The following LMO7 variants were observed in gnomAD, a reference collection of about 807,000 sequenced individuals.
The protein encoded by LMO7 is LIM domain 7.
A neutral mutation model predicts 206.5 loss-of-function variants in LMO7; 120 were observed. The observed-to-expected ratio is 0.58, with a 90% CI of 0.50 to 0.68. LMO7 has a LOEUF of 0.68. LMO7 is among the 30% of genes least tolerant of loss of function. The pLI, the probability that LMO7 is intolerant of heterozygous loss-of-function variation, is 0.00. For missense variants in LMO7, 1,959 were observed against 1,957.9 expected, an observed-to-expected ratio of 1.00 and a Z score of -0.01; for synonymous variants, 706 against 681.5, an observed-to-expected ratio of 1.04 and a Z score of -0.56.
intron 1 of LMO7, among the ~76,000 whole-genome samples, chr13:75,684,884 C>T (rs2040849860): frequency 6.6e-6 from 1 of 152,088 alleles, no homozygotes; most frequent in African/African-American, 2.4e-5. Flanking sequence ...GTTACTTTGT[C>T]TCTTTAAGGC....
intron 3 of LMO7, among the ~76,000 whole-genome samples, chr13:75,742,833 A>G (rs978452626): frequency 6.6e-6 from 1 of 152,242 alleles, no homozygotes; most frequent in Admixed American, 6.5e-5. Context: ...CATGACAAAG[A>G]TGCCAAAAGC....
In LMO7 at chr13:75,849,080, A is replaced by G. The variant is rs1355375603; in HGVS notation, c.4152A>G (p.Gly1384=). ...ELDDYSTNKN[G]NNKYLDQIGN... ...GCTTTTGATTTGTTTTTAATTTAGG[A>G]AACAATAAATATTTAGACCAAATTG... Residue 1384 remains glycine (G), a splice_region_variant and synonymous_variant, in exon 27 of 31, where the codon GGA becomes GGG. Coordinates refer to ENST00000377534, the MANE Select transcript of LMO7 (RefSeq NM_001306080.2). 2 of 1,574,672 alleles carry G rather than the reference A, an allele frequency of 1.3e-6. No individual in the cohort carries two copies. Among genetic ancestry groups the G allele is most frequent in the Non-Finnish European group, 8.7e-7 (1 of 1,146,380 alleles).
At chr13:75,741,172 C>G (rs1268168757) in intron 3 of LMO7, among the ~76,000 whole-genome samples, 1 of 152,082 alleles carries the variant, frequency 6.6e-6, no homozygotes, top group Non-Finnish European at 1.5e-5. Flanking sequence ...GGAGGGTGAG[C>G]CACTCTCACA....
rs1437381652 is a variant in LMO7, at chr13:75,805,720, G to C, written c.1156G>C (p.Glu386Gln). The change falls in exon 9 of 31, where the codon GAA becomes CAA. Residue 386 changes from glutamate to glutamine, a missense_variant. Glu to Gln is a conservative substitution (Grantham distance 29). Transcript: ENST00000377534. ...TGTGAACTGGAAAAGAATAAAAAGG[G>C]AAACTTATAAGCCATGGTATAAAGA... ...EDVNWKRIKR[E>Q]TYKPWYKEFQ... 8 of 1,613,882 alleles carry C rather than the reference G, an allele frequency of 5.0e-6. No homozygotes were observed. Among genetic ancestry groups the C allele is most frequent in the Non-Finnish European group, 6.8e-6 (8 of 1,179,892 alleles).
At chr13:75,739,203 G>A (rs756369662) in intron 3 of LMO7, among the ~76,000 whole-genome samples, 1 of 152,204 alleles carries the variant, frequency 6.6e-6, no homozygotes, top group Non-Finnish European at 1.5e-5. Context: ...ACCTACTCAT[G>A]CTTTCCATTT....
chr13:75,730,096 G>T (rs1273456242), intron 3 of LMO7, among the ~76,000 whole-genome samples: 69 of 150,660 alleles, frequency 4.6e-4, no homozygotes, highest in African/African-American at 1.6e-3. Flanking sequence ...TCTCTTTTTT[G>T]GTTGTGTCTC....
intron 26 of LMO7, among the ~76,000 whole-genome samples, chr13:75,848,470 A>ATCTAG (rs1446421849): frequency 1.3e-4 from 8 of 59,938 alleles, no homozygotes; most frequent in Non-Finnish European, 2.3e-4. Flanking sequence ...TATCTATCTA[A>ATCTAG]CTATCTCACA....
intron 1 of LMO7, among the ~76,000 whole-genome samples, chr13:75,670,603 T>C (rs1286946743): frequency 6.6e-6 from 1 of 152,170 alleles, no homozygotes; most frequent in Admixed American, 6.5e-5. Context: ...AGTAGAAATA[T>C]GGTATAAAAG....
At chr13:75,685,976 C>T (rs1278728112) in intron 1 of LMO7, among the ~76,000 whole-genome samples, 2 of 145,558 alleles carry the variant, frequency 1.4e-5, no homozygotes, top group African/African-American at 5.1e-5. Flanking sequence ...CAGCCTTGAT[C>T]TCCAGGACTC....
chr13:75,688,795 AT>A (rs60123164), intron 1 of LMO7: 5,975 of 150,896 alleles, frequency 0.04, 194 homozygotes, highest in African/African-American at 0.078. Flanking sequence ...TGACTTACTC[AT>A]TTTTTTTTCT....
intron 11 of LMO7, among the ~76,000 whole-genome samples, chr13:75,809,828 A>AT (rs35825600): frequency 0.11 from 13,468 of 122,602 alleles, 1,088 homozygotes; most frequent in African/African-American, 0.13. Flanking sequence ...CAAAAACTAC[A>AT]TTTTTTTTTT....
chr13:75,730,270 G>A (rs973159979), intron 3 of LMO7, among the ~76,000 whole-genome samples: 3 of 152,144 alleles, frequency 2.0e-5, no homozygotes, highest in Admixed American at 1.3e-4. Flanking sequence ...GACTCTTTTT[G>A]GTTGGTAAGC....
intron 3 of LMO7, among the ~76,000 whole-genome samples, chr13:75,736,550 G>GA (rs2045835715): frequency 6.6e-6 from 1 of 152,210 alleles, no homozygotes; most frequent in Non-Finnish European, 1.5e-5. Context: ...GATTTTTCTA[G>GA]TTTACAGCTG....
chr13:75,807,248 G>C (rs2055647871), intron 9 of LMO7: 1 of 494,198 alleles, frequency 2.0e-6, no homozygotes, highest in Non-Finnish European at 3.6e-6. Flanking sequence ...ACTTTCCTGA[G>C]AAGTATGCTC....
chr13:75,799,999 A>T (rs753715971), intron 6 of LMO7, among the ~76,000 whole-genome samples: 4 of 152,228 alleles, frequency 2.6e-5, no homozygotes, highest in Admixed American at 1.3e-4. Context: ...TATTTTATTT[A>T]GGTCCATAGA....
At position 75,778,711 on chromosome 13, in the gene LMO7, A is replaced by T. The variant is rs534044135; in HGVS notation, c.318-16690A>T. Among the ~76,000 whole-genome samples, 20 of 152,242 alleles carry T rather than the reference A, an allele frequency of 1.3e-4. No homozygotes were observed. The South Asian group carries it at 4.2e-3, about 32-fold the overall frequency. ...AATTCTAGTTGGGTAAGGCTAGAGG[A>T]CTTATGTTTCAACTGAACTTTTTTT... On this transcript the variant is annotated intron_variant, in intron 4 of 30. Coordinates refer to ENST00000377534, the MANE Select transcript of LMO7 (RefSeq NM_001306080.2).
intron 11 of LMO7, among the ~76,000 whole-genome samples, chr13:75,810,303 C>A (rs2056191065): frequency 6.6e-6 from 1 of 152,174 alleles, no homozygotes; most frequent in Non-Finnish European, 1.5e-5. Flanking sequence ...TAAGTATCTT[C>A]CCTTATGAGG....
rs9600562 is a variant in LMO7 at position 75,853,095 on chromosome 13, C to T, written c.4368C>T (p.Gly1456=). The change falls in exon 28 of 31, where the codon GGC becomes GGT. Residue 1456 remains glycine (G), a synonymous_variant. Coordinates refer to ENST00000377534, the MANE Select transcript of LMO7 (RefSeq NM_001306080.2). ...ATGAGTCTTTTTTGTGTTTCAGAGG[C>T]GAATCTTTAGATAACCTGGACTCCC... ...PVSLPGIMRR[G]ESLDNLDSPR... 1,893 of 1,590,490 alleles carry T rather than the reference C, an allele frequency of 1.2e-3. 21 individuals carry two copies. In the African/African-American group the frequency reaches 0.02, roughly 16 times the overall value.
At chr13:75,782,984 TG>T (rs2051774653) in intron 4 of LMO7, among the ~76,000 whole-genome samples, 1 of 151,922 alleles carries the variant, frequency 6.6e-6, no homozygotes, top group South Asian at 2.1e-4. Context: ...TGGTGGGGAG[TG>T]GGGTCATTAT....
Sources: allele counts gnomAD v4.1 joint callset (sites outside exome capture counted in the v4.1 genomes callset), GRCh38; gene constraint gnomAD v4.1.1; transcripts MANE v1.5; gene names NCBI Gene and HGNC (gene_info 2026-07-23, HGNC 2026-07-21).